SOX5: variants seen among roughly 807,000 people sequenced by gnomAD.
SOX5 encodes the protein SRY-box transcription factor 5, also known as transcription factor SOX-5.
A neutral mutation model predicts 92.0 loss-of-function variants in SOX5; 9 were observed. The ratio of observed to expected loss-of-function variants is 0.10; its 90% CI spans 0.06 to 0.17. The LOEUF is 0.17. Among genes scored for constraint, SOX5 ranks in the 10% least tolerant of loss-of-function variants. SOX5 has a pLI of 1.00. For synonymous variants in SOX5, 344 were observed against 336.3 expected (o/e 1.02, Z -0.25); for missense variants, 642 against 944.5 (o/e 0.68, Z 4.20).
At chr12:24,281,500 T>C (rs1764955707) in intron 2 of SOX5, among the ~76,000 whole-genome samples, 3 of 152,232 alleles carry the variant, frequency 2.0e-5, no homozygotes, top group African/African-American at 7.2e-5. Context: ...CCTGCACTAT[T>C]GATAATTTTA....
chr12:24,532,094 C>T (rs1232466528), intron 1 of SOX5, among the ~76,000 whole-genome samples: 3 of 152,062 alleles, frequency 2.0e-5, no homozygotes, highest in East Asian at 3.8e-4. Context: ...AAACAGGAGC[C>T]GGGGAGGTCT....
chr12:24,453,449 A>G (rs1159602429), intron 1 of SOX5, among the ~76,000 whole-genome samples: 1 of 152,140 alleles, frequency 6.6e-6, no homozygotes, highest in East Asian at 1.9e-4. Flanking sequence ...TACACCAACC[A>G]TTGAGCTTGT....
chr12:24,296,238 C>A (rs1188482985), intron 2 of SOX5, among the ~76,000 whole-genome samples: 1 of 152,204 alleles, frequency 6.6e-6, no homozygotes, highest in Non-Finnish European at 1.5e-5. Flanking sequence ...CATCAAAATT[C>A]ATCTGCCTCA....
chr12:24,065,645 CAAAAAAAAAAAA>C (rs71445983), intron 4 of SOX5, among the ~76,000 whole-genome samples: 6 of 81,672 alleles, frequency 7.3e-5, no homozygotes, highest in African/African-American at 2.2e-4. Flanking sequence ...GACTCCATCT[CAAAAAAAAAAAA>C]AAAAAAAAAG....
chr12:24,561,456 A>ATT (rs1954329999), intron 1 of SOX5, among the ~76,000 whole-genome samples: 7 of 152,204 alleles, frequency 4.6e-5, no homozygotes, highest in Admixed American at 4.6e-4. Flanking sequence ...AATACTCAAC[A>ATT]AACTGCTGCT....
intron 4 of SOX5, among the ~76,000 whole-genome samples, chr12:24,107,872 T>A (rs1449661514): frequency 6.6e-6 from 1 of 152,160 alleles, no homozygotes; most frequent in Non-Finnish European, 1.5e-5. Flanking sequence ...CATTTAAATA[T>A]CAGGCAATTT....
At chr12:23,800,827 C>G (rs1307267885) in intron 3 of SOX5, among the ~76,000 whole-genome samples, 1 of 152,054 alleles carries the variant, frequency 6.6e-6, no homozygotes, top group East Asian at 1.9e-4. Flanking sequence ...TATATATAGC[C>G]TTTACCTGTT....
intron 4 of SOX5, among the ~76,000 whole-genome samples, chr12:24,080,259 C>T (rs570552602): frequency 2.0e-5 from 3 of 151,844 alleles, no homozygotes; most frequent in Non-Finnish European, 4.4e-5. Context: ...CTACATGACA[C>T]AAAAACATGT....
chr12:24,541,104 G>A (rs528378806), intron 1 of SOX5, among the ~76,000 whole-genome samples: 1 of 152,238 alleles, frequency 6.6e-6, no homozygotes, highest in Admixed American at 6.5e-5. Flanking sequence ...GTCAAAATCT[G>A]GCAAGAGCTC....
At position 23,575,663 on chromosome 12, in the gene SOX5, A is replaced by G. The variant is rs779353540; in HGVS notation, c.1340T>C (p.Ile447Thr). The change falls in exon 10 of 15, where the codon ATA becomes ACA. Residue 447 changes from isoleucine to threonine, a missense_variant and splice_region_variant. Ile to Thr is a moderately conservative substitution (Grantham distance 89). Coordinates refer to ENST00000451604, the MANE Select transcript of SOX5 (RefSeq NM_006940.6). ...AGAACAAAAGAAACAGAACTTACCT[A>G]TTGTGCTAACTCTGGCTGAAGGACT... ...LASPSARVST[I>T]GYLNDHDAVT... 11 of 1,614,006 alleles carry G rather than the reference A, an allele frequency of 6.8e-6. No individual in the cohort carries two copies. Among genetic ancestry groups the G allele is most frequent in the Non-Finnish European group, 9.3e-6 (11 of 1,179,830 alleles).
intron 4 of SOX5, among the ~76,000 whole-genome samples, chr12:24,040,886 A>T (rs867159161): frequency 6.6e-6 from 1 of 152,272 alleles, no homozygotes; most frequent in Middle Eastern, 3.4e-3. Context: ...GAAAAAACAA[A>T]AAAAAAATTC....
chr12:24,087,528 G>A (rs541749027), intron 4 of SOX5, among the ~76,000 whole-genome samples: 8 of 152,130 alleles, frequency 5.3e-5, no homozygotes, highest in Admixed American at 5.2e-4. Context: ...AGGTCTACAC[G>A]GGGAGGATGA....
rs973331598 is a variant in SOX5, at chr12:23,822,408, T to C, written c.481+23575A>G. 7.9e-5 allele frequency among the ~76,000 whole-genome samples: 12 copies of C among 152,218 alleles called. 1 individual carries two copies. The highest frequency in any genetic ancestry group is 2.6e-4 in the Admixed American group (4 of 15,266). ...CCAGTAGTCATTCAGGAGCAGGTTG[T>C]TCAGTTTCCATGTAGTTGTGTGGTT... On this transcript the variant is annotated intron_variant, in intron 3 of 14. Coordinates refer to ENST00000451604, the MANE Select transcript of SOX5 (RefSeq NM_006940.6).
chr12:23,557,939 G>A (rs919015886), intron 11 of SOX5, among the ~76,000 whole-genome samples: 3 of 144,124 alleles, frequency 2.1e-5, no homozygotes, highest in African/African-American at 7.8e-5. Context: ...TCGCGCCATT[G>A]CACTCCAGCC....
chr12:24,559,365 T>C (rs1326653007), intron 1 of SOX5, among the ~76,000 whole-genome samples: 1 of 152,206 alleles, frequency 6.6e-6, no homozygotes, highest in East Asian at 1.9e-4. Context: ...TTATACCTGC[T>C]GGAAATCTAA....
At chr12:23,813,190 G>A (rs1215393782) in intron 3 of SOX5, among the ~76,000 whole-genome samples, 2 of 152,080 alleles carry the variant, frequency 1.3e-5, no homozygotes, top group African/African-American at 4.8e-5. Flanking sequence ...AAAAAATAAG[G>A]AGCAGTTTCT....
rs1043992553 is a variant in SOX5, at chr12:24,094,110, C to T, written c.-2+119233G>A. On this transcript the variant is annotated intron_variant, in intron 4 of 4. Coordinates refer to the SOX5 transcript ENST00000446891. ...TACAGGCGCCCGCCACCATGCCCGG[C>T]TAATTTTTGTATATTTAGTAGAGAG... 5.3e-5 allele frequency among the ~76,000 whole-genome samples: 8 copies of T among 152,140 alleles called. No individual in the cohort carries two copies. In the East Asian group the frequency reaches 1.2e-3, roughly 22 times the overall value.
intron 3 of SOX5, among the ~76,000 whole-genome samples, chr12:23,831,793 T>C (rs1314508469): frequency 6.6e-6 from 1 of 151,944 alleles, no homozygotes; most frequent in East Asian, 1.9e-4. Flanking sequence ...CTAGTTCTAG[T>C]AGAAACAAAA....
intron 3 of SOX5, among the ~76,000 whole-genome samples, chr12:23,833,130 T>C (rs1227169376): frequency 6.6e-6 from 1 of 151,976 alleles, no homozygotes. Flanking sequence ...ATTTCCAGGA[T>C]CTATAAAGCC....
Sources: allele counts gnomAD v4.1 joint callset (sites outside exome capture counted in the v4.1 genomes callset), GRCh38; gene constraint gnomAD v4.1.1; transcripts MANE v1.5; gene names NCBI Gene and HGNC (gene_info 2026-07-23, HGNC 2026-07-21).